The following PHF20 variants were observed in gnomAD, a reference collection of about 807,000 sequenced individuals.
The protein encoded by PHF20 is PHD finger protein 20, also known as glioma-expressed antigen 2.
Under a neutral mutation model 113.5 loss-of-function variants are expected in PHF20, and 23 were observed. The observed-to-expected ratio is 0.20, with a 90% CI of 0.15 to 0.29. The LOEUF (loss-of-function observed/expected upper bound fraction) is 0.29. Among genes scored for constraint, PHF20 ranks in the 10% least tolerant of loss-of-function variants. PHF20 has a pLI of 1.00. For synonymous variants in PHF20, 434 were observed against 457.3 expected (o/e 0.95, Z 0.65); for missense variants, 943 against 1,219.6 (o/e 0.77, Z 3.38).
At chr20:35,800,600 A>G (rs919921485) in intron 1 of PHF20, among the ~76,000 whole-genome samples, 2 of 152,050 alleles carry the variant, frequency 1.3e-5, no homozygotes, top group Admixed American at 6.6e-5. Context: ...GTGAAACCCA[A>G]TCTCTACTCA....
chr20:35,824,511 G>A (rs2042228733), intron 2 of PHF20, among the ~76,000 whole-genome samples: 1 of 151,790 alleles, frequency 6.6e-6, no homozygotes, highest in African/African-American at 2.4e-5. Flanking sequence ...GGAGGCTGAG[G>A]CAGTAGAATC....
At chr20:35,780,885 A>G (rs1284288798) in intron 1 of PHF20, among the ~76,000 whole-genome samples, 2 of 100,512 alleles carry the variant, frequency 2.0e-5, no homozygotes, top group African/African-American at 8.5e-5. Flanking sequence ...ATGGAGTTTC[A>G]CCTTGTAGCC....
In PHF20 at chr20:35,891,204, C is replaced by T. The variant is rs140054922; in HGVS notation, c.1283-8166C>T. Among the ~76,000 whole-genome samples, 7 of 152,086 alleles carry T rather than the reference C, an allele frequency of 4.6e-5. No homozygotes were observed. In the South Asian group the frequency reaches 1.0e-3, roughly 23 times the overall value. On this transcript the variant is annotated intron_variant, in intron 9 of 17. Transcript: ENST00000374012. ...CCAGCCTGTCGTAAATGACGAAACCCGGTCTGTACTAAAAATACAAAAATT... is the reference window on the plus strand; with the variant it reads ...CCAGCCTGTCGTAAATGACGAAACCTGGTCTGTACTAAAAATACAAAAATT...
At chr20:35,921,519 C>T (rs892439740) in intron 13 of PHF20, among the ~76,000 whole-genome samples, 5 of 151,554 alleles carry the variant, frequency 3.3e-5, no homozygotes, top group Non-Finnish European at 7.4e-5. Context: ...CCTACCTCTA[C>T]AAAAAAATTA....
intron 1 of PHF20, among the ~76,000 whole-genome samples, chr20:35,793,983 G>C (rs1349494588): frequency 9.4e-6 from 1 of 106,690 alleles, no homozygotes; most frequent in East Asian, 2.8e-4. Flanking sequence ...CGACAAGAGC[G>C]GGACTCTGTC....
chr20:35,836,425 A>T (rs1328390465), intron 2 of PHF20, among the ~76,000 whole-genome samples: 1 of 152,166 alleles, frequency 6.6e-6, no homozygotes, highest in Non-Finnish European at 1.5e-5. Flanking sequence ...TTTCTGTATC[A>T]GTTCATAGAG....
chr20:35,860,249 T>C (rs2073732074), intron 5 of PHF20, among the ~76,000 whole-genome samples: 2 of 148,606 alleles, frequency 1.3e-5, no homozygotes, highest in African/African-American at 5.0e-5. Context: ...TTTTTTTTTT[T>C]TTTTTTTTTG....
At chr20:35,883,754 CTGT>C (rs111455275) in intron 9 of PHF20, among the ~76,000 whole-genome samples, 7,397 of 152,238 alleles carry the variant, frequency 0.049, 229 homozygotes, top group African/African-American at 0.099. Context: ...GAGTCTGTAA[CTGT>C]TGTTTTCCTG....
intron 9 of PHF20, among the ~76,000 whole-genome samples, chr20:35,878,155 T>C (rs1203306875): frequency 6.6e-6 from 1 of 152,234 alleles, no homozygotes; most frequent in African/African-American, 2.4e-5. Context: ...TGGTTTTTCA[T>C]ATCATCAAGT....
chr20:35,780,697 C>T (rs2041275742), intron 1 of PHF20, among the ~76,000 whole-genome samples: 1 of 150,288 alleles, frequency 6.7e-6, no homozygotes. Context: ...CAGGCGAACA[C>T]CACCACACCC....
intron 3 of PHF20, among the ~76,000 whole-genome samples, chr20:35,846,026 A>G (rs375226878): frequency 6.6e-6 from 1 of 151,824 alleles, no homozygotes; most frequent in African/African-American, 2.4e-5. Flanking sequence ...CAGCCTCCCA[A>G]AGTGCTGGGA....
chr20:35,860,373 C>G (rs1383562122), intron 5 of PHF20, among the ~76,000 whole-genome samples: 1 of 150,214 alleles, frequency 6.7e-6, no homozygotes, highest in African/African-American at 2.5e-5. Context: ...CCTGAGTAGC[C>G]GGGACTACAG....
chr20:35,779,199 C>A (rs558718063), intron 1 of PHF20, among the ~76,000 whole-genome samples: 1 of 151,828 alleles, frequency 6.6e-6, no homozygotes, highest in East Asian at 1.9e-4. Flanking sequence ...CCTCACCCTG[C>A]TAATCTTTTA....
chr20:35,875,768 G>A (rs1488035546), intron 9 of PHF20, among the ~76,000 whole-genome samples: 3 of 152,142 alleles, frequency 2.0e-5, no homozygotes, highest in Non-Finnish European at 4.4e-5. Flanking sequence ...TATGTTAGAC[G>A]TCACTTGAAA....
At chr20:35,889,769 T>C (rs868818486) in intron 9 of PHF20, among the ~76,000 whole-genome samples, 18 of 152,022 alleles carry the variant, frequency 1.2e-4, no homozygotes, top group Non-Finnish European at 8.8e-5. Flanking sequence ...ACTCTGTTGC[T>C]TAGGCTGGAG....
intron 15 of PHF20, among the ~76,000 whole-genome samples, chr20:35,932,075 T>G (rs975293263): frequency 2.0e-5 from 3 of 151,690 alleles, no homozygotes; most frequent in Admixed American, 6.6e-5. Context: ...TGAGTGTTTT[T>G]TTTTTTTTTT....
intron 6 of PHF20, among the ~76,000 whole-genome samples, chr20:35,864,451 CAAAT>C (rs1370117285): frequency 6.8e-6 from 1 of 147,988 alleles, no homozygotes; most frequent in Non-Finnish European, 1.5e-5. Context: ...CACACACACA[CAAAT>C]ATTTTCATCA....
At chr20:35,831,093 A>T (rs1021896396) in intron 2 of PHF20, among the ~76,000 whole-genome samples, 1 of 152,112 alleles carries the variant, frequency 6.6e-6, no homozygotes, top group African/African-American at 2.4e-5. Flanking sequence ...GGTTAGTTAC[A>T]AATATACACA....
chr20:35,854,767 A>G lies in PHF20; in HGVS notation c.341-3535A>G, dbSNP rs186608096. ...GGAATTAGACTGAGGAGCTTGAGCA[A>G]TAGGCAGTGCGGGGTGGTGGGAAAA... On this transcript the variant is annotated intron_variant, in intron 4 of 17. Transcript: ENST00000374012. Among the ~76,000 whole-genome samples the G allele has an allele frequency of 2.0e-5, 3 of 152,296 alleles. No homozygotes were observed. The East Asian group carries it at 5.8e-4, about 29-fold the overall frequency.
Sources: gnomAD v4.1 joint callset for allele counts (sites outside exome capture counted in the v4.1 genomes callset) on GRCh38, gnomAD v4.1.1 for gene constraint, MANE v1.5 for transcripts, NCBI Gene and HGNC (gene_info 2026-07-23, HGNC 2026-07-21) for gene names.